Variants in SYT1 observed in about 807,000 individuals in gnomAD.
The protein encoded by SYT1 is synaptotagmin 1, also known as synaptotagmin-1.
A neutral mutation model predicts 44.8 loss-of-function variants in SYT1; 8 were observed. The observed-to-expected ratio is 0.18, with a 90% confidence interval of 0.10 to 0.32. SYT1 has a LOEUF of 0.32. Ranked by LOEUF, SYT1 falls within the 10% of genes least tolerant of loss-of-function variation. The pLI, the probability that SYT1 is intolerant of heterozygous loss-of-function variation, is 1.00. For missense variants in SYT1, 286 were observed against 509.3 expected, an observed-to-expected ratio of 0.56 and a Z score of 4.22; for synonymous variants, 154 against 188.8, an observed-to-expected ratio of 0.82 and a Z score of 1.51.
At chr12:79,140,000 A>C (rs1321858845) in intron 3 of SYT1, among the ~76,000 whole-genome samples, 8 of 152,212 alleles carry the variant, frequency 5.3e-5, no homozygotes, top group Non-Finnish European at 1.0e-4. Context: ...AGTATCCTGA[A>C]ATTAATGGAA....
chr12:79,228,621 C>G (rs543369106), intron 4 of SYT1, among the ~76,000 whole-genome samples: 55 of 152,156 alleles, frequency 3.6e-4, no homozygotes, highest in African/African-American at 1.3e-3. Context: ...CTCTTTTAAT[C>G]CTATTCCATG....
chr12:79,336,567 C>G (rs1375085579), intron 8 of SYT1, among the ~76,000 whole-genome samples: 1 of 152,104 alleles, frequency 6.6e-6, no homozygotes, highest in Non-Finnish European at 1.5e-5. Context: ...GAGGCCATGG[C>G]AAGCTAGAGC....
At chr12:78,876,258 T>G (rs1874062658) in intron 1 of SYT1, among the ~76,000 whole-genome samples, 1 of 151,492 alleles carries the variant, frequency 6.6e-6, no homozygotes, top group Admixed American at 6.6e-5. Context: ...CTCAATAACC[T>G]AAGTCTACCT....
rs1315159553 is a variant in SYT1, at chr12:79,085,854, C to T, written c.-18+38492C>T. Among the ~76,000 whole-genome samples the T allele has an allele frequency of 2.0e-5, 3 of 152,168 alleles. No homozygotes were observed. The East Asian group carries it at 5.8e-4, about 29-fold the overall frequency. On this transcript the variant is annotated intron_variant, in intron 3 of 10. Transcript: ENST00000261205. The stretch of plus-strand genomic sequence containing the variant: ...GGGACTTTGAGTACTCTCCCCAAAT[C>T]CTCAGAGACATTTCAAGAAGCACTT...
intron 3 of SYT1, among the ~76,000 whole-genome samples, chr12:79,146,810 A>G (rs1456151937): frequency 6.6e-6 from 1 of 152,020 alleles, no homozygotes; most frequent in African/African-American, 2.4e-5. Context: ...AGTGTCTACA[A>G]AGTAAAGGAG....
At chr12:79,339,520 T>TG (rs1311543272) in intron 8 of SYT1, among the ~76,000 whole-genome samples, 18 of 152,084 alleles carry the variant, frequency 1.2e-4, no homozygotes, top group African/African-American at 4.3e-4. Context: ...TGGGGTCGTT[T>TG]GATTTTTCTT....
chr12:79,229,662 C>T (rs1168374573), intron 4 of SYT1, among the ~76,000 whole-genome samples: 1 of 151,794 alleles, frequency 6.6e-6, no homozygotes, highest in Admixed American at 6.6e-5. Context: ...GGCACAATCC[C>T]GGCTCACTAC....
chr12:79,294,167 AATACT>A (rs1316228705), intron 6 of SYT1, among the ~76,000 whole-genome samples: 10 of 152,212 alleles, frequency 6.6e-5, no homozygotes, highest in African/African-American at 2.4e-4. Flanking sequence ...TTTAATTATT[AATACT>A]ATAAGTATCA....
chr12:79,014,893 G>C lies in SYT1; in HGVS notation c.-83-32404G>C, dbSNP rs559578432. 1.7e-3 allele frequency among the ~76,000 whole-genome samples: 251 copies of C among 152,106 alleles called. 2 individuals are homozygous for C. Among genetic ancestry groups the C allele is most frequent in the Middle Eastern group, 6.8e-3 (2 of 294 alleles). ...ATACTATGCAGCCATAAAAAATGAT[G>C]AGTTCATGTCCTTTGTAGGGACATG... is the stretch of plus-strand genomic sequence containing the variant. On this transcript the variant is annotated intron_variant, in intron 2 of 10. Transcript: ENST00000261205.
chr12:79,214,075 T>C (rs1372903977), intron 3 of SYT1, among the ~76,000 whole-genome samples: 1 of 152,178 alleles, frequency 6.6e-6, no homozygotes, highest in Non-Finnish European at 1.5e-5. Context: ...AGGTTTGCTA[T>C]TTACAAACAA....
intron 3 of SYT1, among the ~76,000 whole-genome samples, chr12:79,110,206 G>A (rs916090770): frequency 7.2e-5 from 11 of 151,944 alleles, no homozygotes; most frequent in Non-Finnish European, 1.6e-4. Context: ...TAAGCATAGC[G>A]TCCTACACAA....
At chr12:78,892,036 A>T (rs1875085479) in intron 1 of SYT1, among the ~76,000 whole-genome samples, 2 of 151,750 alleles carry the variant, frequency 1.3e-5, no homozygotes, top group Non-Finnish European at 1.5e-5. Flanking sequence ...CCTGATATAA[A>T]TATTTTTGTC....
At chr12:79,068,480 G>A (rs553273235) in intron 3 of SYT1, among the ~76,000 whole-genome samples, 2 of 152,212 alleles carry the variant, frequency 1.3e-5, no homozygotes, top group African/African-American at 2.4e-5. Flanking sequence ...TCACATATGC[G>A]AAGTGGATAA....
intron 1 of SYT1, among the ~76,000 whole-genome samples, chr12:78,917,854 A>G (rs1876758365): frequency 6.6e-6 from 1 of 152,092 alleles, no homozygotes; most frequent in South Asian, 2.1e-4. Flanking sequence ...ACTCTTAAGA[A>G]TTAATGTTTT....
In SYT1 at chr12:78,925,113, G is replaced by A. The variant is rs182816470; in HGVS notation, c.-216-52686G>A. 7.2e-3 allele frequency among the ~76,000 whole-genome samples: 1,091 copies of A among 151,814 alleles called. 14 individuals carry two copies. The highest frequency in any genetic ancestry group is 0.025 in the African/African-American group (1,034 of 41,450). On this transcript the variant is annotated intron_variant, in intron 1 of 10. Coordinates refer to ENST00000261205, the MANE Select transcript of SYT1 (RefSeq NM_005639.3). ...ATTTTTATGCCTATCTATGTATCTAGCTATCCATCTTAAAACTCTTAAATT... is the reference window on the plus strand; with the variant it reads ...ATTTTTATGCCTATCTATGTATCTAACTATCCATCTTAAAACTCTTAAATT...
chr12:79,329,401 A>G (rs1293027678), intron 8 of SYT1, among the ~76,000 whole-genome samples: 2 of 152,236 alleles, frequency 1.3e-5, no homozygotes, highest in African/African-American at 2.4e-5. Flanking sequence ...CTGAAAATAT[A>G]AGTGTCTGCT....
chr12:79,447,051 A>C (rs960548188), intron 10 of SYT1, among the ~76,000 whole-genome samples: 1 of 152,234 alleles, frequency 6.6e-6, no homozygotes, highest in African/African-American at 2.4e-5. Flanking sequence ...CACATTAAAA[A>C]TAAGACACAT....
chr12:78,885,797 T>A (rs974050622), intron 1 of SYT1, among the ~76,000 whole-genome samples: 5 of 151,992 alleles, frequency 3.3e-5, no homozygotes, highest in Non-Finnish European at 7.4e-5. Flanking sequence ...GAGTAACACA[T>A]CCAACTTTGA....
intron 2 of SYT1, among the ~76,000 whole-genome samples, chr12:79,001,907 TA>T (rs917131358): frequency 2.6e-5 from 4 of 152,106 alleles, no homozygotes; most frequent in African/African-American, 7.2e-5. Flanking sequence ...GCCTGGAATT[TA>T]AAAGAAGCTA....
Sources: gnomAD v4.1 joint callset for allele counts (sites outside exome capture counted in the v4.1 genomes callset) on GRCh38, gnomAD v4.1.1 for gene constraint, MANE v1.5 for transcripts, NCBI Gene and HGNC (gene_info 2026-07-23, HGNC 2026-07-21) for gene names.